The following LCTL variants were observed in gnomAD, a reference collection of about 807,000 sequenced individuals.
LCTL encodes the protein lactase-like protein.
In LCTL, 76 loss-of-function variants were observed where a neutral mutation model predicts 75.8. The observed-to-expected ratio is 1.00, with a 90% CI of 0.83 to 1.21. The LOEUF (loss-of-function observed/expected upper bound fraction) is 1.21. Among genes scored for constraint, LCTL ranks in the 50% most tolerant of loss-of-function variants. The pLI is 0.00. For missense variants in LCTL, 670 were observed against 712.4 expected, an observed-to-expected ratio of 0.94 and a Z score of 0.68; for synonymous variants, 271 against 268.8, an observed-to-expected ratio of 1.01 and a Z score of -0.08.
At chr15:66,551,488 A>T (rs1040079653) in intron 11 of LCTL, among the ~76,000 whole-genome samples, 174 bp downstream of exon 12, 2 of 152,204 alleles carry the variant, frequency 1.3e-5, no homozygotes, top group South Asian at 4.1e-4. Flanking sequence ...TGAAGTTTAC[A>T]TCATGCTTGC....
chr15:66,556,678 C>A (rs1048612024), intron 8 of LCTL, among the ~76,000 whole-genome samples: 1 of 152,114 alleles, frequency 6.6e-6, no homozygotes, highest in African/African-American at 2.4e-5. Context: ...ATCTTGAGGA[C>A]ATTATGCTAA....
chr15:66,563,858 A>G (rs910313726), intron 3 of LCTL, 53 bp downstream of exon 4: 1 of 1,425,812 alleles, frequency 7.0e-7, no homozygotes, highest in African/African-American at 1.4e-5. Context: ...CTGCAAAGCC[A>G]ACATTGCCGG....
chr15:66,548,279 G>A (rs889413159), exon 13 of LCTL: 4 of 365,276 alleles, frequency 1.1e-5, no homozygotes, highest in African/African-American at 2.1e-5. Context: ...ATTAACTTTA[G>A]GAGGGGTGAG....
exon 6 of LCTL, chr15:66,561,055 AGGCCCGGCGCATGGT>A: frequency 6.2e-6 from 10 of 1,614,192 alleles, no homozygotes; most frequent in Admixed American, 3.3e-5. Context: ...GCGGAGCTTC[AGGCCCGGCGCATGGT>A]GGCCCGTCTC....
At chr15:66,561,902 C>A (rs1235300934) in intron 4 of LCTL, among the ~76,000 whole-genome samples, 2 of 152,120 alleles carry the variant, frequency 1.3e-5, no homozygotes, top group Non-Finnish European at 2.9e-5. Flanking sequence ...GCTCAGCACT[C>A]GAGGCCTTCG....
At position 66,553,232 on chromosome 15, in the gene LCTL, C is replaced by T. The variant is rs756432993; in HGVS notation, c.949G>A (p.Glu317Lys). ...GAGAACACCGGTAACCTCGACATCT[C>T]CAGGCCTTGCTCTGCACTCTTTCTT... The change falls in exon 9 of 13, where the codon GAG becomes AAG. Residue 317 changes from glutamate to lysine, a missense_variant. Physicochemically the swap from Glu to Lys is moderately conservative, Grantham distance 56. Transcript: ENST00000341509. 7 of 1,592,168 alleles carry T rather than the reference C, an allele frequency of 4.4e-6. No individual in the cohort carries two copies. The South Asian group carries it at 8.1e-5, about 18-fold the overall frequency.
intron 9 of LCTL, among the ~76,000 whole-genome samples, chr15:66,552,689 AC>A (rs1478933231): frequency 1.7e-4 from 24 of 139,046 alleles, no homozygotes; most frequent in Non-Finnish European, 2.6e-4. Flanking sequence ...AAAAAAAAAA[AC>A]ATTGTTGGAG....
chr15:66,553,814 T>C (rs1169266674), intron 8 of LCTL, among the ~76,000 whole-genome samples: 1 of 151,182 alleles, frequency 6.6e-6, no homozygotes, highest in East Asian at 2.0e-4. Context: ...TGTGTAGCCA[T>C]CTGGAGAAAA....
chr15:66,557,648 C>G, intron 8 of LCTL, 74 bp downstream of exon 9: 1 of 1,488,900 alleles, frequency 6.7e-7, no homozygotes, highest in Non-Finnish European at 9.2e-7. Flanking sequence ...CTTCATCCCC[C>G]TGCCTTTTGC....
chr15:66,547,677 G>C (rs776245771), exon 13 of LCTL: 8 of 152,256 alleles, frequency 5.3e-5, no homozygotes, highest in Non-Finnish European at 1.2e-4. Context: ...ACTAAATTCA[G>C]ACTAAAGTGT....
intron 1 of LCTL, 121 bp downstream of exon 2, chr15:66,565,127 C>T: frequency 3.9e-6 from 3 of 767,248 alleles, no homozygotes; most frequent in Admixed American, 2.3e-5. Context: ...AACAACCACA[C>T]AAAGGTAGGT....
intron 1 of LCTL, 43 bp from the exon 3 acceptor site, chr15:66,564,882 G>A: frequency 6.3e-7 from 1 of 1,581,248 alleles, no homozygotes; most frequent in South Asian, 1.1e-5. Flanking sequence ...GCTCCCATGT[G>A]TCACCCAGAG....
chr15:66,550,672 T>C (rs1254643524), intron 11 of LCTL, among the ~76,000 whole-genome samples: 1 of 151,996 alleles, frequency 6.6e-6, no homozygotes, highest in African/African-American at 2.4e-5. Flanking sequence ...AGAAATGATA[T>C]CTTGCTATGT....
chr15:66,563,027 G>A (rs1276249783), intron 4 of LCTL, among the ~76,000 whole-genome samples: 1 of 152,182 alleles, frequency 6.6e-6, no homozygotes, highest in East Asian at 1.9e-4. Flanking sequence ...ATACATGAGT[G>A]CTTTGGTTTG....
At chr15:66,561,048 G>C in exon 6 of LCTL, 3 of 1,614,168 alleles carry the variant, frequency 1.9e-6, no homozygotes, top group Non-Finnish European at 2.5e-6. Flanking sequence ...CGGTGCCGCG[G>C]AGCTTCAGGC....
intron 4 of LCTL, among the ~76,000 whole-genome samples, chr15:66,562,104 A>T (rs1895903183): frequency 6.6e-6 from 1 of 152,142 alleles, no homozygotes. Flanking sequence ...TCCCCAGTGA[A>T]TGAAAATATT....
At chr15:66,561,286 C>T in exon 5 of LCTL, 3 of 1,614,248 alleles carry the variant, frequency 1.9e-6, no homozygotes, top group Non-Finnish European at 2.5e-6. Flanking sequence ...TGCTCACATT[C>T]TGCCACCCAC....
At chr15:66,564,786 G>T (rs188091956) in exon 2 of LCTL, 15 of 1,613,602 alleles carry the variant, frequency 9.3e-6, no homozygotes, top group East Asian at 8.9e-5. Context: ...TTCCCGTCCT[G>T]GTCCCAGGCG....
chr15:66,553,132 G>A lies in LCTL; in HGVS notation c.1049C>T (p.Thr350Met), dbSNP rs201241428. ...CTGGCGGGAGGGGTAGTTCCTTTCC[G>A]TGATGTACCGAGTAGTAAAATGACC... Residue 350 changes from threonine to methionine, a missense_variant, in exon 9 of 13, where the codon ACG becomes ATG. Thr to Met is a moderately conservative substitution (Grantham distance 81, BLOSUM62 -1). Coordinates refer to ENST00000341509, the Ensembl canonical transcript of LCTL. 2.9e-5 allele frequency: 46 copies of A among 1,611,940 alleles called. No homozygotes were observed. Among genetic ancestry groups the A allele is most frequent in the Admixed American group, 6.7e-5 (4 of 59,608 alleles).
Sources: gnomAD v4.1 joint callset for allele counts (sites outside exome capture counted in the v4.1 genomes callset) on GRCh38, gnomAD v4.1.1 for gene constraint, MANE v1.5 for transcripts, NCBI Gene and HGNC (gene_info 2026-07-23, HGNC 2026-07-21) for gene names.